The following PAK1IP1 variants were observed in gnomAD, a reference collection of about 807,000 sequenced individuals.
The protein encoded by PAK1IP1 is p21-activated protein kinase-interacting protein 1.
PAK1IP1 carries 24 observed loss-of-function variants against 42.0 expected under a neutral mutation model. That is an observed-to-expected ratio of 0.57 (90% CI 0.41 to 0.80). PAK1IP1 has a LOEUF of 0.80. Ranked by LOEUF, PAK1IP1 falls within the 30% of genes least tolerant of loss-of-function variation. The pLI is 0.00. For synonymous variants in PAK1IP1, 154 were observed against 156.7 expected (o/e 0.98, Z 0.13); for missense variants, 411 against 467.9 (o/e 0.88, Z 1.12).
chr6:10,707,730 C>T (rs1050038077), intron 8 of PAK1IP1, among the ~76,000 whole-genome samples: 2 of 152,210 alleles, frequency 1.3e-5, no homozygotes, highest in African/African-American at 4.8e-5. Flanking sequence ...AGAACTCGCG[C>T]TGCTCTTTTT....
At chr6:10,701,093 T>A (rs1363876095) in intron 2 of PAK1IP1, among the ~76,000 whole-genome samples, 4 of 152,178 alleles carry the variant, frequency 2.6e-5, no homozygotes. Flanking sequence ...TTCCTTCTTT[T>A]TTGAGATGCA....
At chr6:10,694,599 AGCAAC>A, upstream of PAK1IP1, 1 of 178,262 alleles carries the variant, frequency 5.6e-6, no homozygotes, top group South Asian at 1.0e-4. Flanking sequence ...ACAGCCCCTA[AGCAAC>A]CGGCCGGAAG....
chr6:10,705,051 G>A (rs556159675), intron 7 of PAK1IP1, among the ~76,000 whole-genome samples: 6 of 152,296 alleles, frequency 3.9e-5, no homozygotes, highest in Admixed American at 1.3e-4. Flanking sequence ...TGGGCCGGGA[G>A]CAGTAGCTCA....
At chr6:10,691,283 C>G (rs906495253), upstream of PAK1IP1, among the ~76,000 whole-genome samples, 6 of 152,276 alleles carry the variant, frequency 3.9e-5, no homozygotes, top group African/African-American at 1.4e-4. Context: ...CCGGGATCTT[C>G]GGCAAGACTC....
Position 10,694,998 on chromosome 6 carries a change from G to C in PAK1IP1, c.13G>C (p.Ala5Pro), listed in dbSNP as rs757088413. Residue 5 changes from alanine (A) to proline (P), a missense_variant, in exon 1 of 10, where the codon GCT (alanine) becomes CCT (proline). Physicochemically the swap from Ala to Pro is conservative, Grantham distance 27. Transcript: ENST00000379568. ...CGTGCGCTGCTGAATGGAGCTGGTC[G>C]CTGGTTGCTACGAGCAGGTCCTCTT... MELV[A>P]GCYEQVLFGF... 2 of 1,600,334 alleles carry C rather than the reference G, an allele frequency of 1.2e-6. No homozygotes were observed. Among genetic ancestry groups the C allele is most frequent in the East Asian group, 2.2e-5 (1 of 44,834 alleles).
In PAK1IP1 at chr6:10,709,583, C is replaced by G; in HGVS notation, c.*131C>G. The G allele has an allele frequency of 2.4e-6, 1 of 422,238 alleles. No individual in the cohort carries two copies. Among genetic ancestry groups the G allele is most frequent in the Non-Finnish European group, 3.9e-6 (1 of 255,598 alleles). 26.2% of individuals were successfully genotyped at this position (422,238 alleles called of 1,614,324 possible). On this transcript the variant is annotated 3_prime_UTR_variant, in exon 10 of 10. Coordinates refer to ENST00000379568, the MANE Select transcript of PAK1IP1 (RefSeq NM_017906.3). ...GGAAAAAATATATATATTAAAAAAC[C>G]ACTTTTAGATGGTTTTTTTTAAAAA...
At chr6:10,708,857 C>T (rs1770289085) in intron 8 of PAK1IP1, 96 bp from the exon 9 acceptor site, 18 of 1,014,926 alleles carry the variant, frequency 1.8e-5, no homozygotes, top group Non-Finnish European at 2.5e-5. Flanking sequence ...ATTTTGTACT[C>T]AAGAAAATAC....
chr6:10,696,243 A>G (rs1769835776), intron 1 of PAK1IP1, among the ~76,000 whole-genome samples: 1 of 152,148 alleles, frequency 6.6e-6, no homozygotes, highest in African/African-American at 2.4e-5. Context: ...AACCTACATT[A>G]TGTGAATTTT....
At position 10,709,575 on chromosome 6, in the gene PAK1IP1, T is replaced by TA. The variant is rs1404935730; in HGVS notation, c.*129dup. ...CTTCCTTTGGAAAAAATATATATAT[T>TA]AAAAAACCACTTTTAGATGGTTTTT... On this transcript the variant is annotated 3_prime_UTR_variant, in exon 10 of 10. Coordinates refer to ENST00000379568, the MANE Select transcript of PAK1IP1 (RefSeq NM_017906.3). 2.3e-6 allele frequency: 1 copy of TA among 439,762 alleles called. No homozygotes were observed. The highest frequency in any genetic ancestry group is 3.7e-6 in the Non-Finnish European group (1 of 267,178). The allele number at this position is 439,762 out of a possible 1,614,324, so 27.2% of individuals were successfully genotyped here. A position where few individuals can be genotyped will look rare whatever the true frequency, so the allele number is the denominator to read the frequency against.
chr6:10,691,525 G>A (rs1412844125), upstream of PAK1IP1, among the ~76,000 whole-genome samples: 1 of 152,036 alleles, frequency 6.6e-6, no homozygotes, highest in Non-Finnish European at 1.5e-5. Flanking sequence ...TTAGGTCAGG[G>A]GTCGATCTTT....
intron 7 of PAK1IP1, among the ~76,000 whole-genome samples, chr6:10,706,020 A>G (rs1256053057): frequency 6.6e-6 from 1 of 152,202 alleles, no homozygotes; most frequent in Non-Finnish European, 1.5e-5. Context: ...ATGAAATACT[A>G]CACGAAGTAT....
Position 10,699,621 on chromosome 6 carries a change from G to C in PAK1IP1, c.247+2135G>C, listed in dbSNP as rs550754505. ...TGCTGTTTTTGTTGCATTTTCCCAG[G>C]GGACAGAGAATGAGGAGTAACTCAG... On this transcript the variant is annotated intron_variant, in intron 2 of 9. Coordinates refer to ENST00000379568, the MANE Select transcript of PAK1IP1 (RefSeq NM_017906.3). Among the ~76,000 whole-genome samples, 35 of 152,206 alleles carry C rather than the reference G, an allele frequency of 2.3e-4. 1 individual carries two copies. The South Asian group carries it at 7.1e-3, about 31-fold the overall frequency.
upstream of PAK1IP1, chr6:10,694,600 GCAACCGGC>G: frequency 5.8e-6 from 1 of 173,900 alleles, no homozygotes; most frequent in East Asian, 1.6e-4. Flanking sequence ...CAGCCCCTAA[GCAACCGGC>G]CGGAAGTCGG....
intron 8 of PAK1IP1, among the ~76,000 whole-genome samples, chr6:10,708,090 A>T (rs1482107622): frequency 7.3e-6 from 1 of 137,446 alleles, no homozygotes; most frequent in Non-Finnish European, 1.5e-5. Context: ...TTAATTTAGC[A>T]TGTTCATGGA....
intron 4 of PAK1IP1, among the ~76,000 whole-genome samples, 191 bp from the exon 5 acceptor site, chr6:10,703,214 G>A (rs1413065205): frequency 6.6e-6 from 1 of 152,084 alleles, no homozygotes; most frequent in Non-Finnish European, 1.5e-5. Flanking sequence ...AGATGTTAAA[G>A]GGATATGGGA....
At chr6:10,694,502 C>G (rs1441373627), upstream of PAK1IP1, 1 of 156,920 alleles carries the variant, frequency 6.4e-6, no homozygotes, top group African/African-American at 2.4e-5. Context: ...ACCCTATTAA[C>G]GACAGAAAGC....
At chr6:10,701,180 G>A (rs368453474) in intron 2 of PAK1IP1, among the ~76,000 whole-genome samples, 22 of 152,118 alleles carry the variant, frequency 1.4e-4, no homozygotes, top group Admixed American at 1.3e-3. Context: ...GGGTTCAAGC[G>A]ATTCTTGTGC....
At chr6:10,699,707 A>G (rs1265273466) in intron 2 of PAK1IP1, among the ~76,000 whole-genome samples, 1 of 152,176 alleles carries the variant, frequency 6.6e-6, no homozygotes, top group Admixed American at 6.5e-5. Flanking sequence ...TTCCTACCCA[A>G]TCTTACATGT....
chr6:10,697,194 A>C, intron 1 of PAK1IP1, 130 bp from the exon 2 acceptor site: 1 of 753,328 alleles, frequency 1.3e-6, no homozygotes, highest in Non-Finnish European at 2.2e-6. Context: ...GATAGTTTTC[A>C]TGAATCGTGG....
Sources: gnomAD v4.1 joint callset for allele counts (sites outside exome capture counted in the v4.1 genomes callset) on GRCh38, gnomAD v4.1.1 for gene constraint, MANE v1.5 for transcripts, NCBI Gene and HGNC (gene_info 2026-07-23, HGNC 2026-07-21) for gene names.